Variants in CSMD3 observed in about 807,000 individuals in gnomAD.
CSMD3 encodes the protein CUB and sushi domain-containing protein 3.
In CSMD3, 177 loss-of-function variants were observed where a neutral mutation model predicts 435.2. The ratio of observed to expected loss-of-function variants is 0.41; its 90% CI spans 0.36 to 0.46. The LOEUF (loss-of-function observed/expected upper bound fraction) is 0.46. Ranked by LOEUF, CSMD3 falls within the 20% of genes least tolerant of loss-of-function variation. The probability of loss-of-function intolerance (pLI) is 0.34; values close to 1 mark genes in which losing one functional copy is unlikely to be tolerated. For synonymous variants in CSMD3, 1,656 were observed against 1,520.5 expected, an observed-to-expected ratio of 1.09 and a Z score of -2.07; for missense variants, 4,265 against 4,504.6, an observed-to-expected ratio of 0.95 and a Z score of 1.52.
intron 2 of CSMD3, chr8:113,309,402 G>A (rs2093849766): frequency 6.6e-6 from 1 of 151,936 alleles, no homozygotes; most frequent in African/African-American, 2.4e-5. Context: ...CACACTATTA[G>A]TCCCCAGTGT....
chr8:113,322,540 A>C (rs2132714125), intron 1 of CSMD3, among the ~76,000 whole-genome samples: 1 of 152,316 alleles, frequency 6.6e-6, no homozygotes, highest in South Asian at 2.1e-4. Flanking sequence ...TTTCATAAGA[A>C]GCATCATTCT....
intron 38 of CSMD3, among the ~76,000 whole-genome samples, chr8:112,368,839 T>A (rs531983846): frequency 1.3e-5 from 2 of 152,108 alleles, no homozygotes; most frequent in African/African-American, 4.8e-5. Context: ...ATTTGTAAAA[T>A]AGGGTTAAAA....
intron 32 of CSMD3, among the ~76,000 whole-genome samples, chr8:112,459,799 T>C: frequency 1.3e-5 from 2 of 152,162 alleles, no homozygotes; most frequent in East Asian, 3.8e-4. Context: ...GTTTCAAGCA[T>C]ATTAGTTCCT....
chr8:113,110,653 C>G (rs1352653901), intron 4 of CSMD3, among the ~76,000 whole-genome samples: 4 of 152,132 alleles, frequency 2.6e-5, no homozygotes, highest in Non-Finnish European at 4.4e-5. Context: ...GAACCCTCAC[C>G]AAGATTGCCC....
chr8:112,791,648 G>A (rs952070979), intron 13 of CSMD3, among the ~76,000 whole-genome samples: 18 of 151,954 alleles, frequency 1.2e-4, no homozygotes, highest in Non-Finnish European at 2.4e-4. Flanking sequence ...TGGACATTTG[G>A]ATTGTTTCCA....
At position 112,685,586 on chromosome 8, in the gene CSMD3, G is replaced by A. The variant is rs750430367; in HGVS notation, c.2302C>T (p.Leu768=). The A allele has an allele frequency of 6.2e-7, 1 of 1,613,890 alleles. No individual in the cohort carries two copies. Among genetic ancestry groups the A allele is most frequent in the East Asian group, 2.2e-5 (1 of 44,826 alleles). ...GCAAGGAAATCAAACTGGGATTCCA[G>A]GTCAAAGTCATTGAAAGAAAGATGT... ...RIHLSFNDFD[L]ESQFDFLAVK... is the part of the protein sequence containing the mutation. The change falls in exon 15 of 71, where the codon CTG becomes TTG. Residue 768 remains leucine (L), a synonymous_variant. Transcript: ENST00000297405.
chr8:112,636,836 T>G lies in CSMD3; in HGVS notation c.3696A>C (p.Ala1232=), dbSNP rs2131580480. 1 of 1,612,504 alleles carries G rather than the reference T, an allele frequency of 6.2e-7. No individual in the cohort carries two copies. The highest frequency in any genetic ancestry group is 1.7e-5 in the Admixed American group (1 of 59,840). The stretch of plus-strand genomic sequence containing the variant: ...ACGTACCCACACACCTTGGCAGAGG[T>G]GCACTCCACACTCGTCGGCCACCAC... ...CLGGGRRVWS[A]PLPRCVAECG... Residue 1232 remains alanine (A), a synonymous_variant, in exon 22 of 71, where the codon GCA becomes GCC. Coordinates refer to ENST00000297405, the MANE Select transcript of CSMD3 (RefSeq NM_198123.2).
intron 46 of CSMD3, among the ~76,000 whole-genome samples, chr8:112,319,187 C>A (rs1030763165): frequency 6.6e-6 from 1 of 151,990 alleles, no homozygotes; most frequent in Non-Finnish European, 1.5e-5. Flanking sequence ...CTGGTGCATG[C>A]TGGCTGGATA....
At chr8:112,736,364 C>T (rs966388834) in intron 13 of CSMD3, among the ~76,000 whole-genome samples, 3 of 152,032 alleles carry the variant, frequency 2.0e-5, no homozygotes, top group Admixed American at 6.6e-5. Flanking sequence ...TAGGTTTAAT[C>T]ATGCTCTGAC....
intron 5 of CSMD3, 110 bp downstream of exon 5, chr8:113,098,646 G>T: frequency 1.3e-6 from 1 of 762,934 alleles, no homozygotes; most frequent in Non-Finnish European, 2.3e-6. Flanking sequence ...TAACTTTCCT[G>T]TAAGATCTTT....
intron 47 of CSMD3, among the ~76,000 whole-genome samples, chr8:112,318,483 T>C (rs567937069): frequency 6.6e-6 from 1 of 152,188 alleles, no homozygotes; most frequent in East Asian, 1.9e-4. Context: ...AGTGGTTAGA[T>C]AAGAAGCTCT....
Position 112,224,642 on chromosome 8 carries a change from A to T in CSMD3, c.*129T>A. ...AGTTTATGAAAAAACACTCTTCTGT[A>T]TCATTCCTCAGGAAAAGGTGACCCA... On this transcript the variant is annotated 3_prime_UTR_variant, in exon 71 of 71. Coordinates refer to ENST00000297405, the MANE Select transcript of CSMD3 (RefSeq NM_198123.2). 1.1e-6 allele frequency: 1 copy of T among 878,292 alleles called. No homozygotes were observed. 54.4% of individuals were successfully genotyped at this position (878,292 alleles called of 1,614,324 possible).
intron 7 of CSMD3, among the ~76,000 whole-genome samples, chr8:112,960,969 A>G (rs990459983): frequency 6.6e-6 from 1 of 151,776 alleles, no homozygotes; most frequent in African/African-American, 2.4e-5. Context: ...TCATTTGTAC[A>G]TAGCACTTAC....
chr8:113,037,955 T>C (rs1435300500), intron 5 of CSMD3, among the ~76,000 whole-genome samples: 2 of 152,178 alleles, frequency 1.3e-5, no homozygotes, highest in South Asian at 2.1e-4. Context: ...AAGGGTCATG[T>C]ATTTCCATTT....
At chr8:112,596,953 A>G (rs1166946687) in intron 22 of CSMD3, among the ~76,000 whole-genome samples, 2 of 152,074 alleles carry the variant, frequency 1.3e-5, no homozygotes, top group Non-Finnish European at 2.9e-5. Flanking sequence ...CACAATTAAA[A>G]GAACTAGAAA....
chr8:112,809,737 G>C (rs1209941103), intron 12 of CSMD3, among the ~76,000 whole-genome samples: 1 of 151,992 alleles, frequency 6.6e-6, no homozygotes, highest in African/African-American at 2.4e-5. Flanking sequence ...TTTTAGGTGG[G>C]TTTCTTTCTG....
intron 58 of CSMD3, among the ~76,000 whole-genome samples, chr8:112,283,418 G>A (rs1400628043): frequency 6.6e-6 from 1 of 151,588 alleles, no homozygotes; most frequent in Non-Finnish European, 1.5e-5. Flanking sequence ...GAAGTATAAG[G>A]AAGAAAGTAA....
intron 3 of CSMD3, among the ~76,000 whole-genome samples, chr8:113,235,022 C>T (rs1014763797): frequency 1.3e-5 from 2 of 151,998 alleles, no homozygotes; most frequent in African/African-American, 2.4e-5. Flanking sequence ...TATATCCAGA[C>T]GTGTTGACAG....
intron 56 of CSMD3, 48 bp downstream of exon 56, chr8:112,291,462 T>C (rs1819755440): frequency 8.2e-7 from 1 of 1,226,114 alleles, no homozygotes; most frequent in Middle Eastern, 2.3e-4. Flanking sequence ...AACATTCCTA[T>C]GGTTTCCATG....
Sources: allele counts gnomAD v4.1 joint callset (sites outside exome capture counted in the v4.1 genomes callset), GRCh38; gene constraint gnomAD v4.1.1; transcripts MANE v1.5; gene names NCBI Gene and HGNC (gene_info 2026-07-23, HGNC 2026-07-21).